The following CD8B variants were observed in gnomAD, a reference collection of about 807,000 sequenced individuals.
The protein encoded by CD8B is T-cell surface glycoprotein CD8 beta chain.
A neutral mutation model predicts 24.2 loss-of-function variants in CD8B; 6 were observed. That is an observed-to-expected ratio of 0.25 (90% confidence interval 0.14 to 0.49). CD8B has a LOEUF of 0.49. Among genes scored for constraint, CD8B ranks in the 20% least tolerant of loss-of-function variants. The pLI is 0.98. For missense variants in CD8B, 196 were observed against 271.3 expected (o/e 0.72, Z 1.95); for synonymous variants, 84 against 108.3 (o/e 0.78, Z 1.39).
At chr2:86,815,371 T>C (rs1674192656), downstream of CD8B, 2 of 453,322 alleles carry the variant, frequency 4.4e-6, no homozygotes, top group South Asian at 6.2e-5. Context: ...TCCCGGTCTT[T>C]AGGATTTTGG....
At chr2:86,853,857 C>T (rs1232871756) in intron 2 of CD8B, among the ~76,000 whole-genome samples, 2 of 151,728 alleles carry the variant, frequency 1.3e-5, no homozygotes, top group African/African-American at 2.4e-5. Context: ...AGGCACGTAC[C>T]ACTGCATTCG....
chr2:86,830,222 C>G (rs1207164320), intron 5 of CD8B, among the ~76,000 whole-genome samples: 1 of 152,102 alleles, frequency 6.6e-6, no homozygotes, highest in Non-Finnish European at 1.5e-5. Context: ...AGCCACAGGT[C>G]CCAGCCAGTT....
At chr2:86,833,943 CCGG>C (rs1037541942), downstream of CD8B, among the ~76,000 whole-genome samples, 53 of 152,068 alleles carry the variant, frequency 3.5e-4, no homozygotes, top group African/African-American at 1.3e-3. Context: ...GCCACCGTGC[CCGG>C]CCAAATCATT....
intron 5 of CD8B, among the ~76,000 whole-genome samples, chr2:86,832,678 C>A (rs893169230): frequency 6.6e-6 from 1 of 152,030 alleles, no homozygotes; most frequent in East Asian, 1.9e-4. Context: ...TTACTGCTCC[C>A]TGTGTGGGTT....
At chr2:86,832,338 C>T (rs1401356029) in intron 5 of CD8B, among the ~76,000 whole-genome samples, 2 of 151,862 alleles carry the variant, frequency 1.3e-5, no homozygotes, top group Non-Finnish European at 2.9e-5. Flanking sequence ...ATTAGCCAGG[C>T]ATGGTGGTGT....
At chr2:86,831,423 A>C (rs755325024) in intron 5 of CD8B, among the ~76,000 whole-genome samples, 14 of 152,230 alleles carry the variant, frequency 9.2e-5, no homozygotes, top group Non-Finnish European at 1.9e-4. Context: ...TGTAATCCAC[A>C]TGTTCAAATG....
chr2:86,858,384 G>C lies in CD8B; in HGVS notation c.76C>G (p.Pro26Ala). 6.2e-7 allele frequency: 1 copy of C among 1,604,560 alleles called. No individual in the cohort carries two copies. Among genetic ancestry groups the C allele is most frequent in the South Asian group, 1.1e-5 (1 of 89,790 alleles). Residue 26 changes from proline to alanine, a missense_variant, in exon 2 of 6, where the codon CCT (proline) becomes GCT (alanine). Pro to Ala is a conservative substitution (Grantham distance 27). Transcript: ENST00000390655. ...LHGNSVLQQT[P>A]AYIKVQTNKM... Reference sequence around the variant, plus strand: ...TTGGTTTGCACCTTTATGTATGCAGGGGTCTGCTGGAGGACTGAGTTGCCA... The same window carrying C: ...TTGGTTTGCACCTTTATGTATGCAGCGGTCTGCTGGAGGACTGAGTTGCCA...
chr2:86,858,071 G>T lies in CD8B; in HGVS notation c.389C>A (p.Thr130Asn). The T allele has an allele frequency of 2.5e-6, 4 of 1,613,912 alleles. No homozygotes were observed. Among genetic ancestry groups the T allele is most frequent in the Non-Finnish European group, 3.4e-6 (4 of 1,179,786 alleles). Residue 130 changes from threonine to asparagine, a missense_variant, in exon 2 of 6, where the codon ACT (threonine) becomes AAT (asparagine). Physicochemically the swap from Thr to Asn is moderately conservative, Grantham distance 65. Coordinates refer to ENST00000390655, the MANE Select transcript of CD8B (RefSeq NM_004931.5). ...CTGCTTCTTACCCACACTCAGCTGA[G>T]TTCCCTTCCCGAAGGTCAGCTCGGG... is the stretch of plus-strand genomic sequence containing the variant. ...GSPELTFGKG[T>N]QLSVVDFLPT... is the part of the protein sequence containing the mutation.
At chr2:86,817,721 CACAA>C (rs1018797726) in intron 5 of CD8B, among the ~76,000 whole-genome samples, 2 of 152,150 alleles carry the variant, frequency 1.3e-5, no homozygotes, top group African/African-American at 2.4e-5. Context: ...GGGGTCTCAA[CACAA>C]ACATTTTATT....
At chr2:86,826,268 C>T (rs1404374117) in intron 5 of CD8B, among the ~76,000 whole-genome samples, 1 of 152,034 alleles carries the variant, frequency 6.6e-6, no homozygotes, top group Non-Finnish European at 1.5e-5. Context: ...CCGGTGACAC[C>T]TCCCCAGTTG....
chr2:86,855,491 C>G (rs1303854196), intron 2 of CD8B, among the ~76,000 whole-genome samples: 1 of 152,166 alleles, frequency 6.6e-6, no homozygotes, highest in African/African-American at 2.4e-5. Context: ...GGCTGCAGAG[C>G]CAGTATCTGC....
rs190509937 is a variant in CD8B, at chr2:86,855,182, T to G, written c.404-2096A>C. Among the ~76,000 whole-genome samples the G allele has an allele frequency of 4.3e-3, 653 of 152,104 alleles. 2 individuals carry two copies. Among genetic ancestry groups the G allele is most frequent in the Non-Finnish European group, 6.0e-3 (409 of 67,998 alleles). On this transcript the variant is annotated intron_variant, in intron 2 of 5. Transcript: ENST00000390655. ...GCAGGGGAAGCCCACAGATCAGTCA[T>G]TTTTGGGCTGGCATCTTCTATATAA...
intron 5 of CD8B, among the ~76,000 whole-genome samples, chr2:86,831,415 T>G (rs1674901067): frequency 6.6e-6 from 1 of 152,230 alleles, no homozygotes; most frequent in Admixed American, 6.5e-5. Flanking sequence ...ATTTGTCATG[T>G]AATCCACATG....
intron 2 of CD8B, among the ~76,000 whole-genome samples, chr2:86,856,572 G>A (rs1040940372): frequency 1.3e-5 from 2 of 151,962 alleles, no homozygotes; most frequent in African/African-American, 4.8e-5. Flanking sequence ...TCCTCACGCT[G>A]AGTGGTCTAA....
chr2:86,836,838 G>C (rs1675197330), downstream of CD8B, among the ~76,000 whole-genome samples: 1 of 152,086 alleles, frequency 6.6e-6, no homozygotes, highest in Non-Finnish European at 1.5e-5. Flanking sequence ...ATGGGGACAG[G>C]AGTGGAAATG....
chr2:86,836,672 C>A (rs1292632399), downstream of CD8B, among the ~76,000 whole-genome samples: 2 of 152,002 alleles, frequency 1.3e-5, no homozygotes, highest in Non-Finnish European at 2.9e-5. Context: ...CCTGTAGTCC[C>A]AGCTACTTGC....
At chr2:86,826,464 G>A (rs1162890005) in intron 5 of CD8B, among the ~76,000 whole-genome samples, 1 of 152,142 alleles carries the variant, frequency 6.6e-6, no homozygotes, top group Non-Finnish European at 1.5e-5. Context: ...GAAAGCAGTG[G>A]AGGTTTGGGG....
At chr2:86,844,498 C>A (rs992740734) in intron 5 of CD8B, 2 of 507,534 alleles carry the variant, frequency 3.9e-6, no homozygotes, top group Admixed American at 3.4e-5. Flanking sequence ...GGATACTCTG[C>A]GGTATTCTGT....
intron 5 of CD8B, among the ~76,000 whole-genome samples, chr2:86,816,669 G>A (rs890135946): frequency 6.6e-6 from 1 of 152,134 alleles, no homozygotes; most frequent in Non-Finnish European, 1.5e-5. Flanking sequence ...TTCCCATGTG[G>A]GAAAAACGTA....
Sources: allele counts gnomAD v4.1 joint callset (sites outside exome capture counted in the v4.1 genomes callset), GRCh38; gene constraint gnomAD v4.1.1; transcripts MANE v1.5; gene names NCBI Gene and HGNC (gene_info 2026-07-23, HGNC 2026-07-21).